Variants in TLN2 observed in about 807,000 individuals in gnomAD.
The protein encoded by TLN2 is talin 2, also known as talin-2.
TLN2 carries 118 observed loss-of-function variants against 294.7 expected under a neutral mutation model. The ratio of observed to expected loss-of-function variants is 0.40; its 90% CI spans 0.34 to 0.47. The LOEUF is 0.47. TLN2 is among the 20% of genes least tolerant of loss of function. The probability of loss-of-function intolerance (pLI) is 0.84; values close to 1 mark genes in which losing one functional copy is unlikely to be tolerated. For synonymous variants in TLN2, 1,431 were observed against 1,304.5 expected (o/e 1.10, Z -2.09); for missense variants, 3,083 against 3,282.2 (o/e 0.94, Z 1.48).
At chr15:62,471,029 C>G (rs2037442642) in intron 1 of TLN2, among the ~76,000 whole-genome samples, 1 of 152,136 alleles carries the variant, frequency 6.6e-6, no homozygotes, top group South Asian at 2.1e-4. Flanking sequence ...TTGCTCCAAA[C>G]TGGGGTTAGG....
intron 17 of TLN2, among the ~76,000 whole-genome samples, chr15:62,701,476 T>G (rs2058716434): frequency 6.6e-6 from 1 of 152,206 alleles, no homozygotes; most frequent in Non-Finnish European, 1.5e-5. Flanking sequence ...CTTGTCAGTG[T>G]GCCGGACATA....
At chr15:62,826,002 G>T (rs2068163588) in intron 54 of TLN2, among the ~76,000 whole-genome samples, 1 of 147,248 alleles carries the variant, frequency 6.8e-6, no homozygotes, top group Non-Finnish European at 1.5e-5. Context: ...CTCCAGCCTG[G>T]GTGACAGAGT....
intron 1 of TLN2, among the ~76,000 whole-genome samples, chr15:62,585,330 T>C (rs891942715): frequency 1.3e-5 from 2 of 152,232 alleles, no homozygotes; most frequent in Admixed American, 6.5e-5. Flanking sequence ...GTGTATCATT[T>C]ACCAAATACT....
intron 22 of TLN2, 92 bp downstream of exon 22, chr15:62,712,169 TG>T: frequency 6.8e-7 from 1 of 1,480,816 alleles, no homozygotes; most frequent in Non-Finnish European, 9.1e-7. Flanking sequence ...GTCATCCGAG[TG>T]TGCATTTTTG....
chr15:62,504,396 T>C (rs1346433253), intron 1 of TLN2, among the ~76,000 whole-genome samples: 1 of 152,192 alleles, frequency 6.6e-6, no homozygotes, highest in Non-Finnish European at 1.5e-5. Context: ...AGAACATAGT[T>C]GGAGGGCTTA....
rs557554302 is a variant in TLN2 at position 62,422,534 on chromosome 15, T to C, written c.-238+31849T>C. ...CCAAATTATCTGAGCATTAGGCCAT[T>C]TACTATGCAGCTTTTCAGACCAAGA... On this transcript the variant is annotated intron_variant, in intron 1 of 58. Transcript: ENST00000636159. Among the ~76,000 whole-genome samples the C allele has an allele frequency of 3.9e-5, 6 of 152,294 alleles. No individual in the cohort carries two copies. In the South Asian group the frequency reaches 1.2e-3, roughly 32 times the overall value.
chr15:62,625,560 G>C (rs926562800), intron 3 of TLN2, among the ~76,000 whole-genome samples: 4 of 152,150 alleles, frequency 2.6e-5, no homozygotes, highest in Non-Finnish European at 5.9e-5. Flanking sequence ...TGCTGCTCCA[G>C]AGCCAAGAGG....
chr15:62,658,089 C>G (rs917588897), intron 9 of TLN2, 191 bp downstream of exon 9: 2 of 444,004 alleles, frequency 4.5e-6, no homozygotes, highest in African/African-American at 2.1e-5. Flanking sequence ...TCAGAAGTTT[C>G]TTTTGCTGAA....
At chr15:62,462,888 G>A (rs1444845716) in intron 1 of TLN2, among the ~76,000 whole-genome samples, 2 of 152,152 alleles carry the variant, frequency 1.3e-5, no homozygotes, top group Admixed American at 1.3e-4. Flanking sequence ...TGGTTCTGGG[G>A]AAAATCTCTC....
Position 62,838,906 on chromosome 15 carries a change from C to A in TLN2, c.7425C>A (p.Ala2475=). ...KRASDNLVRA[A]QKAAFGKADD... is the part of the protein sequence containing the mutation. ...CCTCAGACAATCTTGTCCGTGCAGC[C>A]CAGAAGGCAGCTTTTGGCAAAGCTG... The change falls in exon 58 of 59, where the codon GCC becomes GCA. Residue 2475 remains alanine, a synonymous_variant. Coordinates refer to ENST00000636159, the MANE Select transcript of TLN2 (RefSeq NM_015059.3). 1.2e-6 allele frequency: 2 copies of A among 1,611,984 alleles called. No homozygotes were observed. Among genetic ancestry groups the A allele is most frequent in the Non-Finnish European group, 1.7e-6 (2 of 1,180,010 alleles).
At position 62,833,499 on chromosome 15, in the gene TLN2, T is replaced by A; in HGVS notation, c.7003-5T>A. 1 of 1,613,432 alleles carries A rather than the reference T, an allele frequency of 6.2e-7. No homozygotes were observed. Among genetic ancestry groups the A allele is most frequent in the Non-Finnish European group, 8.5e-7 (1 of 1,179,646 alleles). ...GAATGTGATGCTGTTTTCTTTTGGT[T>A]ATAGCAAGCGGATGAGACCCTGGAC... On this transcript the variant is annotated splice_polypyrimidine_tract_variant and splice_region_variant and intron_variant, in intron 54 of 58. Transcript: ENST00000636159.
intron 1 of TLN2, among the ~76,000 whole-genome samples, chr15:62,498,261 T>C (rs2039122861): frequency 6.6e-6 from 1 of 152,132 alleles, no homozygotes; most frequent in Non-Finnish European, 1.5e-5. Flanking sequence ...CTGGTTCTTC[T>C]TACTTAACCT....
intron 31 of TLN2, 111 bp downstream of exon 31, chr15:62,739,656 G>T (rs942580225): frequency 1.5e-5 from 20 of 1,309,060 alleles, no homozygotes; most frequent in Non-Finnish European, 2.0e-5. Flanking sequence ...AAACAGGCAG[G>T]CCATGGTTGC....
At position 62,722,269 on chromosome 15, in the gene TLN2, C is replaced by T. The variant is rs1422048728; in HGVS notation, c.2992-84C>T. 3.5e-6 allele frequency: 5 copies of T among 1,436,260 alleles called. No homozygotes were observed. In the East Asian group the frequency reaches 9.3e-5, roughly 27 times the overall value. The allele number at this position is 1,436,260 out of a possible 1,614,324, so 89.0% of individuals were successfully genotyped here. A position where few individuals can be genotyped will look rare whatever the true frequency, so the allele number is the denominator to read the frequency against. ...TTTAGGACAAAATCAGTTCTTACTG[C>T]TGTGGAGACCTCGCTGCTTAGGTCT... On this transcript the variant is annotated intron_variant, in intron 25 of 58. Coordinates refer to ENST00000636159, the MANE Select transcript of TLN2 (RefSeq NM_015059.3).
chr15:62,404,552 G>A (rs550034795), intron 1 of TLN2, among the ~76,000 whole-genome samples: 2 of 152,144 alleles, frequency 1.3e-5, no homozygotes, highest in African/African-American at 2.4e-5. Context: ...AAGCATTCTC[G>A]TCCTGTGTTT....
intron 1 of TLN2, among the ~76,000 whole-genome samples, chr15:62,581,258 C>T (rs756944929): frequency 2.0e-5 from 3 of 152,166 alleles, no homozygotes; most frequent in Non-Finnish European, 4.4e-5. Flanking sequence ...TAGTATGTAG[C>T]CTTTTCAGAT....
chr15:62,741,043 CAATG>C (rs1255884382), intron 32 of TLN2, among the ~76,000 whole-genome samples: 2 of 152,172 alleles, frequency 1.3e-5, no homozygotes, highest in African/African-American at 4.8e-5. Context: ...CTTGTAAATG[CAATG>C]AATTAAACAG....
intron 1 of TLN2, among the ~76,000 whole-genome samples, chr15:62,551,725 C>T (rs1184917849): frequency 6.6e-6 from 1 of 152,182 alleles, no homozygotes; most frequent in African/African-American, 2.4e-5. Context: ...AGATTTCTGA[C>T]TGGCTCTATG....
Position 62,570,655 on chromosome 15 carries a change from G to A in TLN2, c.-237-19032G>A, listed in dbSNP as rs920792864. Among the ~76,000 whole-genome samples, 13 of 152,024 alleles carry A rather than the reference G, an allele frequency of 8.6e-5. 1 individual carries two copies. The highest frequency in any genetic ancestry group is 4.6e-4 in the Admixed American group (7 of 15,266). Reference sequence around the variant, plus strand: ...GTTTAGCCTGTTGACATTTTGGGCCGGATCATTTTTGTCATATGGTGCTGT... The same window carrying A: ...GTTTAGCCTGTTGACATTTTGGGCCAGATCATTTTTGTCATATGGTGCTGT... On this transcript the variant is annotated intron_variant, in intron 1 of 58. Transcript: ENST00000636159.
Sources: allele counts gnomAD v4.1 joint callset (sites outside exome capture counted in the v4.1 genomes callset), GRCh38; gene constraint gnomAD v4.1.1; transcripts MANE v1.5; gene names NCBI Gene and HGNC (gene_info 2026-07-23, HGNC 2026-07-21).